OC90: variants seen among roughly 807,000 people sequenced by gnomAD.
OC90 encodes otoconin 90.
Under a neutral mutation model 47.3 loss-of-function variants are expected in OC90, and 46 were observed. That is an observed-to-expected ratio of 0.97 (90% confidence interval 0.77 to 1.24). The LOEUF (loss-of-function observed/expected upper bound fraction) is 1.24, where lower values mean the gene tolerates loss of function less well. Ranked by LOEUF, OC90 falls within the 50% of genes most tolerant of loss-of-function variation. The pLI, the probability that OC90 is intolerant of heterozygous loss-of-function variation, is 0.00. For missense variants in OC90, 688 were observed against 583.9 expected (o/e 1.18, Z -1.84); for synonymous variants, 271 against 219.5 (o/e 1.23, Z -2.07).
At chr8:132,052,914 C>A (rs1298582683) in intron 2 of OC90, among the ~76,000 whole-genome samples, 5 of 133,192 alleles carry the variant, frequency 3.8e-5, no homozygotes, top group African/African-American at 5.3e-5. Context: ...CTTTTTCTCA[C>A]CCGGTACGTA....
intron 3 of OC90, among the ~76,000 whole-genome samples, chr8:132,044,993 T>C (rs1182397055): frequency 6.6e-6 from 1 of 152,198 alleles, no homozygotes; most frequent in African/African-American, 2.4e-5. Context: ...AGAACTGCTG[T>C]GTAGATTGCC....
chr8:132,054,898 G>T, intron 2 of OC90, 83 bp downstream of exon 2: 2 of 838,980 alleles, frequency 2.4e-6, no homozygotes, highest in Middle Eastern at 2.3e-4. Flanking sequence ...AAGATGGTGG[G>T]GGTGGGCCTG....
At chr8:132,040,283 C>A (rs1823033875) in intron 6 of OC90, among the ~76,000 whole-genome samples, 1 of 152,204 alleles carries the variant, frequency 6.6e-6, no homozygotes, top group Non-Finnish European at 1.5e-5. Context: ...ATTTAAGCTG[C>A]AAACAATGGC....
At position 132,024,345 on chromosome 8, in the gene OC90, G is replaced by A. The variant is rs181847570; in HGVS notation, c.*136C>T. The A allele has an allele frequency of 1.6e-4, 114 of 691,714 alleles. 1 individual carries two copies. Among genetic ancestry groups the A allele is most frequent in the South Asian group, 1.2e-3 (52 of 43,564 alleles). The allele number at this position is 691,714 out of a possible 1,614,324, so 42.8% of individuals were successfully genotyped here. On this transcript the variant is annotated 3_prime_UTR_variant, in exon 14 of 14. Transcript: ENST00000254627. ...CTGATGAGGCATGGGCAGGGCTCAC[G>A]GCCTCTGTTCCCTCCCCGCCTCTGA...
chr8:132,034,320 T>G (rs1822921475), intron 10 of OC90, among the ~76,000 whole-genome samples: 1 of 152,246 alleles, frequency 6.6e-6, no homozygotes. Flanking sequence ...GTTTGAATAA[T>G]CCTTCTAGCT....
chr8:132,033,298 C>T (rs984244986), intron 10 of OC90, 134 bp from the exon 11 acceptor site: 23 of 847,072 alleles, frequency 2.7e-5, no homozygotes, highest in Non-Finnish European at 4.1e-5. Flanking sequence ...ACTGGGTTTG[C>T]AGATGTCCAG....
At chr8:132,049,167 C>T (rs1823178656) in intron 2 of OC90, among the ~76,000 whole-genome samples, 1 of 151,704 alleles carries the variant, frequency 6.6e-6, no homozygotes, top group African/African-American at 2.4e-5. Context: ...AACCTTTAAA[C>T]ACGTGTAGCA....
At chr8:132,049,709 C>A (rs1354944241) in intron 2 of OC90, 6 of 434,826 alleles carry the variant, frequency 1.4e-5, no homozygotes, top group Non-Finnish European at 2.4e-5. Context: ...TAATTTTTAG[C>A]TATATAACCT....
Position 132,041,146 on chromosome 8 carries a change from G to T in OC90, c.355C>A (p.Gln119Lys). The change falls in exon 6 of 14, where the codon CAG (glutamine) becomes AAG (lysine). Residue 119 changes from glutamine to lysine, a missense_variant. Transcript: ENST00000254627. ...PVDESDSCCF[Q>K]HRRCYEEAAE... ...GCCTCCTCATAGCACCTGCGGTGCTGGAAGCAGCAGCTGTAGGAAGGCCGG... is the reference window on the plus strand; with the variant it reads ...GCCTCCTCATAGCACCTGCGGTGCTTGAAGCAGCAGCTGTAGGAAGGCCGG... The T allele has an allele frequency of 6.2e-7, 1 of 1,610,128 alleles. No individual in the cohort carries two copies. The highest frequency in any genetic ancestry group is 8.5e-7 in the Non-Finnish European group (1 of 1,176,396).
At chr8:132,041,479 A>C in intron 5 of OC90, 46 bp downstream of exon 5, 3 of 1,544,254 alleles carry the variant, frequency 1.9e-6, no homozygotes, top group Non-Finnish European at 2.6e-6. Context: ...CAGGCCTCCC[A>C]TGAGCTCACT....
At chr8:132,053,930 C>T (rs1823248676) in intron 2 of OC90, among the ~76,000 whole-genome samples, 1 of 152,188 alleles carries the variant, frequency 6.6e-6, no homozygotes, top group Non-Finnish European at 1.5e-5. Flanking sequence ...AAGCTGCTCC[C>T]CGTCCTGCTG....
chr8:132,052,925 C>T (rs567728904), intron 2 of OC90, among the ~76,000 whole-genome samples: 55 of 152,326 alleles, frequency 3.6e-4, no homozygotes, highest in Admixed American at 2.1e-3. Context: ...CCGGTACGTA[C>T]GGCTTTCCTT....
chr8:132,029,947 TC>T (rs1167486084), intron 12 of OC90, among the ~76,000 whole-genome samples: 2 of 152,226 alleles, frequency 1.3e-5, no homozygotes, highest in Non-Finnish European at 2.9e-5. Context: ...AGGCCACAGC[TC>T]CAGCAGGGAT....
chr8:132,032,913 G>C (rs780060481), intron 11 of OC90, 126 bp downstream of exon 11: 1 of 1,079,882 alleles, frequency 9.3e-7, no homozygotes, highest in African/African-American at 1.6e-5. Context: ...TGCAGTCAGG[G>C]GGATGATGTC....
intron 8 of OC90, 88 bp from the exon 9 acceptor site, chr8:132,037,576 G>T (rs1822989408): frequency 1.7e-6 from 2 of 1,169,320 alleles, no homozygotes; most frequent in Non-Finnish European, 1.3e-6. Context: ...CAGGCTGGTT[G>T]CTGGCCCAAG....
rs1335977315 is a variant in OC90 at position 132,045,763 on chromosome 8, A to G, written c.112+55T>C. The G allele has an allele frequency of 4.0e-6, 4 of 989,444 alleles. No individual in the cohort carries two copies. The South Asian group carries it at 4.1e-5, about 10-fold the overall frequency. The allele number at this position is 989,444 out of a possible 1,614,324, so 61.3% of individuals were successfully genotyped here. A position where few individuals can be genotyped will look rare whatever the true frequency, so the allele number is the denominator to read the frequency against. Reference sequence around the variant, plus strand: ...TTCAGAAGGGATCATTTTCTCTGCCAATATCCTAGACAACTTTCTACTCTG... The same window carrying G: ...TTCAGAAGGGATCATTTTCTCTGCCGATATCCTAGACAACTTTCTACTCTG... On this transcript the variant is annotated intron_variant, in intron 3 of 13. Transcript: ENST00000254627.
At chr8:132,033,926 G>T (rs760172519) in intron 10 of OC90, among the ~76,000 whole-genome samples, 2 of 152,178 alleles carry the variant, frequency 1.3e-5, no homozygotes, top group African/African-American at 4.8e-5. Flanking sequence ...ATTTGTGCCC[G>T]CTGGATTGCA....
chr8:132,045,004 G>T (rs969916816), intron 3 of OC90, among the ~76,000 whole-genome samples: 2 of 152,176 alleles, frequency 1.3e-5, no homozygotes, highest in Non-Finnish European at 2.9e-5. Flanking sequence ...GTAGATTGCC[G>T]TGAGGGCTAC....
intron 11 of OC90, 66 bp downstream of exon 11, chr8:132,032,973 G>A (rs1049507074): frequency 2.1e-5 from 33 of 1,555,092 alleles, no homozygotes; most frequent in Middle Eastern, 3.6e-4. Flanking sequence ...GGTGGCCTAC[G>A]GTGATTGTTC....
Sources: gnomAD v4.1 joint callset for allele counts (sites outside exome capture counted in the v4.1 genomes callset) on GRCh38, gnomAD v4.1.1 for gene constraint, MANE v1.5 for transcripts, NCBI Gene and HGNC (gene_info 2026-07-23, HGNC 2026-07-21) for gene names.